RAB27B: variants seen among roughly 807,000 people sequenced by gnomAD.
RAB27B encodes RAB27B, member RAS oncogene family, also known as ras-related protein Rab-27B.
A neutral mutation model predicts 24.6 loss-of-function variants in RAB27B; 15 were observed. The observed-to-expected ratio is 0.61, with a 90% CI of 0.41 to 0.94. RAB27B has a LOEUF of 0.94. RAB27B is among the 40% of genes least tolerant of loss of function. The pLI is 0.00. For missense variants in RAB27B, 261 were observed against 266.8 expected (o/e 0.98, Z 0.15); for synonymous variants, 105 against 92.5 (o/e 1.14, Z -0.78).
intron 2 of RAB27B, among the ~76,000 whole-genome samples, chr18:54,802,407 A>G (rs1213715029): frequency 4.0e-5 from 6 of 151,182 alleles, no homozygotes; most frequent in Non-Finnish European, 5.9e-5. Context: ...CTGCTCTTGT[A>G]TCTGGTATGT....
At chr18:54,823,785 C>A (rs1027742639), upstream of RAB27B, among the ~76,000 whole-genome samples, 2 of 152,094 alleles carry the variant, frequency 1.3e-5, no homozygotes, top group African/African-American at 4.8e-5. Flanking sequence ...ATAGTGTTTT[C>A]TCTATAGAAC....
intron 2 of RAB27B, among the ~76,000 whole-genome samples, chr18:54,768,292 C>T (rs777049767): frequency 8.6e-5 from 13 of 151,946 alleles, no homozygotes; most frequent in East Asian, 1.9e-4. Context: ...TAAAATGTAG[C>T]GATATGTGGC....
intron 1 of RAB27B, among the ~76,000 whole-genome samples, chr18:54,861,868 T>C (rs1471245552): frequency 6.6e-6 from 1 of 152,196 alleles, no homozygotes; most frequent in Non-Finnish European, 1.5e-5. Context: ...GGCCTCTTTG[T>C]GTGTATTTCC....
At chr18:54,723,910 C>T (rs1449549437) in intron 2 of RAB27B, among the ~76,000 whole-genome samples, 2 of 152,094 alleles carry the variant, frequency 1.3e-5, no homozygotes, top group African/African-American at 4.8e-5. Flanking sequence ...GGCAACAGGT[C>T]ATGAAATATA....
chr18:54,841,670 G>GT (rs1911126310), intron 1 of RAB27B, among the ~76,000 whole-genome samples: 1 of 152,144 alleles, frequency 6.6e-6, no homozygotes. Flanking sequence ...AGGATAAGAG[G>GT]TGGGCTTATA....
rs542387751 is a variant in RAB27B at position 54,799,818 on chromosome 18, C to T, written c.-19-77749C>T. 3.0e-3 allele frequency among the ~76,000 whole-genome samples: 455 copies of T among 151,884 alleles called. 2 individuals carry two copies. The highest frequency in any genetic ancestry group is 5.1e-3 in the Non-Finnish European group (344 of 67,938). On this transcript the variant is annotated intron_variant, in intron 2 of 4. Coordinates refer to the RAB27B transcript ENST00000586570. The stretch of plus-strand genomic sequence containing the variant: ...CTAATTTTTCTATTTTTAGTAGAGA[C>T]GGGGTTTCACCCGTGTTAGCCAGGA...
At chr18:54,868,880 T>C (rs1463066827) in intron 1 of RAB27B, among the ~76,000 whole-genome samples, 3 of 152,170 alleles carry the variant, frequency 2.0e-5, no homozygotes, top group Non-Finnish European at 2.9e-5. Flanking sequence ...AAGAGGCATT[T>C]TAGGCTATCA....
At chr18:54,805,926 T>C (rs549025588) in intron 2 of RAB27B, among the ~76,000 whole-genome samples, 3 of 152,298 alleles carry the variant, frequency 2.0e-5, no homozygotes, top group African/African-American at 7.2e-5. Context: ...AAATCATACA[T>C]TGATTACTCG....
At chr18:54,758,713 G>A (rs1261944149) in intron 2 of RAB27B, among the ~76,000 whole-genome samples, 2 of 151,222 alleles carry the variant, frequency 1.3e-5, no homozygotes, top group Non-Finnish European at 2.9e-5. Context: ...CAGGAATTCT[G>A]AATGAATAAC....
Position 54,889,595 on chromosome 18 carries a change from C to T in RAB27B, c.*182C>T. On this transcript the variant is annotated 3_prime_UTR_variant, in exon 6 of 6. Coordinates refer to ENST00000262094, the MANE Select transcript of RAB27B (RefSeq NM_004163.4). ...TGTTCAAAAGAATTGACTAGTTATCCCTGAGGCCCTTTCAAACATGATCAA... is the reference window on the plus strand; with the variant it reads ...TGTTCAAAAGAATTGACTAGTTATCTCTGAGGCCCTTTCAAACATGATCAA... 1 of 530,352 alleles carries T rather than the reference C, an allele frequency of 1.9e-6. No individual in the cohort carries two copies. Among genetic ancestry groups the T allele is most frequent in the South Asian group, 3.5e-5 (1 of 28,768 alleles). 32.9% of individuals were successfully genotyped at this position (530,352 alleles called of 1,614,324 possible). A position where few individuals can be genotyped will look rare whatever the true frequency, so the allele number is the denominator to read the frequency against.
intron 2 of RAB27B, among the ~76,000 whole-genome samples, chr18:54,765,427 C>T (rs1908330726): frequency 6.6e-6 from 1 of 152,168 alleles, no homozygotes; most frequent in Non-Finnish European, 1.5e-5. Flanking sequence ...CGTGCTGTTC[C>T]CTAACCCAGA....
At chr18:54,769,504 C>A (rs904553358) in intron 2 of RAB27B, among the ~76,000 whole-genome samples, 1 of 151,808 alleles carries the variant, frequency 6.6e-6, no homozygotes, top group African/African-American at 2.4e-5. Flanking sequence ...CTATCCTCTG[C>A]AACAGTAATA....
intron 2 of RAB27B, among the ~76,000 whole-genome samples, chr18:54,771,591 AGTGTGT>A (rs36228307): frequency 0.067 from 9,755 of 144,874 alleles, 359 homozygotes; most frequent in African/African-American, 0.1. Flanking sequence ...CTGATAGTTT[AGTGTGT>A]GTGTGTGTGT....
At chr18:54,814,819 G>A (rs1457282986) in intron 2 of RAB27B, among the ~76,000 whole-genome samples, 1 of 152,148 alleles carries the variant, frequency 6.6e-6, no homozygotes, top group African/African-American at 2.4e-5. Context: ...ACTACAAATA[G>A]TTTTTATTGT....
chr18:54,732,861 C>G (rs1909769664), intron 2 of RAB27B, among the ~76,000 whole-genome samples: 1 of 152,126 alleles, frequency 6.6e-6, no homozygotes, highest in East Asian at 1.9e-4. Context: ...GACTTTTAAT[C>G]AATAGTAACC....
intron 2 of RAB27B, among the ~76,000 whole-genome samples, chr18:54,728,678 C>T (rs1457851174): frequency 1.3e-5 from 2 of 151,724 alleles, no homozygotes; most frequent in East Asian, 1.9e-4. Context: ...GGTTTGAGAC[C>T]AGCCTGGCCA....
chr18:54,843,684 A>C (rs1911207400), intron 1 of RAB27B, among the ~76,000 whole-genome samples: 1 of 152,248 alleles, frequency 6.6e-6, no homozygotes, highest in African/African-American at 2.4e-5. Flanking sequence ...AATCAGATGC[A>C]TTCTAACTTT....
intron 2 of RAB27B, among the ~76,000 whole-genome samples, chr18:54,787,849 G>A (rs1419452215): frequency 2.6e-5 from 4 of 151,866 alleles, no homozygotes; most frequent in Non-Finnish European, 5.9e-5. Context: ...TTCATCACTT[G>A]TGCCATATAA....
chr18:54,739,228 G>C (rs1325057412), intron 2 of RAB27B, among the ~76,000 whole-genome samples: 1 of 151,988 alleles, frequency 6.6e-6, no homozygotes, highest in African/African-American at 2.4e-5. Context: ...GCTGAAGCGG[G>C]TGGATCACCT....
Sources: allele counts gnomAD v4.1 joint callset (sites outside exome capture counted in the v4.1 genomes callset), GRCh38; gene constraint gnomAD v4.1.1; transcripts MANE v1.5; gene names NCBI Gene and HGNC (gene_info 2026-07-23, HGNC 2026-07-21).